Variants in CA10 observed in about 807,000 individuals in gnomAD.
CA10 encodes the protein carbonic anhydrase 10 (inactive), also known as carbonic anhydrase-related protein 10.
A neutral mutation model predicts 44.2 loss-of-function variants in CA10; 14 were observed. The observed-to-expected ratio is 0.32, with a 90% CI of 0.21 to 0.50. The LOEUF is 0.50. Among genes scored for constraint, CA10 ranks in the 20% least tolerant of loss-of-function variants. The pLI, the probability that CA10 is intolerant of heterozygous loss-of-function variation, is 0.99. For synonymous variants in CA10, 159 were observed against 141.6 expected (o/e 1.12, Z -0.87); for missense variants, 350 against 409.7 (o/e 0.85, Z 1.26).
At chr17:51,682,804 A>T (rs1914888334) in intron 4 of CA10, among the ~76,000 whole-genome samples, 1 of 67,118 alleles carries the variant, frequency 1.5e-5, no homozygotes, top group Non-Finnish European at 3.7e-5. Context: ...TGGGGCAAAG[A>T]AGGGAAACCT....
At chr17:51,985,641 T>C (rs188592074) in intron 2 of CA10, among the ~76,000 whole-genome samples, 1 of 151,842 alleles carries the variant, frequency 6.6e-6, no homozygotes, top group Non-Finnish European at 1.5e-5. Flanking sequence ...CTCTTAGAAC[T>C]GACAAATTCA....
rs535429326 is a variant in CA10, at chr17:51,866,224, C to G, written c.279+64766G>C. Among the ~76,000 whole-genome samples, 4 of 152,276 alleles carry G rather than the reference C, an allele frequency of 2.6e-5. No homozygotes were observed. In the East Asian group the frequency reaches 5.8e-4, roughly 22 times the overall value. ...CTCCCATGTCTGAGCCAACAATGCC[C>G]CAGGAAGGTACTAGGTTAGGAAATA... On this transcript the variant is annotated intron_variant, in intron 3 of 8. Coordinates refer to ENST00000451037, the MANE Select transcript of CA10 (RefSeq NM_020178.5).
intron 2 of CA10, among the ~76,000 whole-genome samples, chr17:52,034,271 T>G (rs1024601234): frequency 1.3e-5 from 2 of 152,144 alleles, no homozygotes; most frequent in East Asian, 3.9e-4. Context: ...TGGCATAGAT[T>G]GTGGTGATGG....
intron 3 of CA10, among the ~76,000 whole-genome samples, chr17:51,758,857 T>C (rs1352068118): frequency 6.6e-6 from 1 of 152,180 alleles, no homozygotes; most frequent in Non-Finnish European, 1.5e-5. Context: ...GAGCTTCCCA[T>C]TTTCCAGTAA....
At chr17:51,927,016 G>T (rs1022678557) in intron 3 of CA10, among the ~76,000 whole-genome samples, 20 of 151,992 alleles carry the variant, frequency 1.3e-4, no homozygotes, top group Non-Finnish European at 4.4e-5. Flanking sequence ...AGAAACTTTA[G>T]AAAAGAAAAA....
intron 3 of CA10, among the ~76,000 whole-genome samples, chr17:51,898,288 G>A (rs1459998226): frequency 6.6e-6 from 1 of 152,000 alleles, no homozygotes; most frequent in Admixed American, 6.6e-5. Context: ...TTTATTGAAA[G>A]CCTTTTCTGA....
rs559562602 is a variant in CA10 at position 52,091,429 on chromosome 17, T to C, written c.62-19036A>G. 1.0e-3 allele frequency among the ~76,000 whole-genome samples: 155 copies of C among 152,260 alleles called. No homozygotes were observed. The Middle Eastern group carries it at 0.017, about 17-fold the overall frequency. ...TAATGAGTTTTCCCAACATTAAGATTTAATTTTCAGTGGTATAGATGGGAG... is the reference window on the plus strand; with the variant it reads ...TAATGAGTTTTCCCAACATTAAGATCTAATTTTCAGTGGTATAGATGGGAG... On this transcript the variant is annotated intron_variant, in intron 1 of 8. Coordinates refer to ENST00000451037, the MANE Select transcript of CA10 (RefSeq NM_020178.5).
chr17:51,728,480 T>A (rs1916603243), intron 4 of CA10, among the ~76,000 whole-genome samples: 1 of 152,218 alleles, frequency 6.6e-6, no homozygotes, highest in African/African-American at 2.4e-5. Flanking sequence ...CAGTCTTTCC[T>A]TGCTTTTCAC....
chr17:51,893,109 A>G (rs190706892), intron 3 of CA10, among the ~76,000 whole-genome samples: 1 of 152,318 alleles, frequency 6.6e-6, no homozygotes. Flanking sequence ...GTTGCATAAT[A>G]TCAAGTTACA....
chr17:51,653,824 T>C, intron 4 of CA10, 88 bp from the exon 5 acceptor site: 1 of 757,850 alleles, frequency 1.3e-6, no homozygotes. Flanking sequence ...AAGGGTGAAC[T>C]GCAAAGTATA....
At chr17:52,060,962 A>G (rs1987367760) in intron 2 of CA10, among the ~76,000 whole-genome samples, 1 of 152,194 alleles carries the variant, frequency 6.6e-6, no homozygotes. Flanking sequence ...TGAATGAAGT[A>G]ACATGAGTAA....
intron 7 of CA10, among the ~76,000 whole-genome samples, chr17:51,634,501 G>C (rs1912736420): frequency 6.6e-6 from 1 of 152,146 alleles, no homozygotes; most frequent in Non-Finnish European, 1.5e-5. Flanking sequence ...CACAGTCGTA[G>C]AATGTCAGAG....
chr17:51,645,587 G>T (rs1913297550), intron 6 of CA10, among the ~76,000 whole-genome samples: 1 of 152,192 alleles, frequency 6.6e-6, no homozygotes, highest in African/African-American at 2.4e-5. Flanking sequence ...ATAGCAAAAA[G>T]ATGCTTCTTC....
At chr17:52,155,526 T>C (rs1020816504) in intron 1 of CA10, among the ~76,000 whole-genome samples, 2 of 152,194 alleles carry the variant, frequency 1.3e-5, no homozygotes, top group South Asian at 4.1e-4. Context: ...ATATTACTAA[T>C]AATAATTCTC....
At chr17:51,908,118 C>T (rs1981639595) in intron 3 of CA10, among the ~76,000 whole-genome samples, 1 of 152,162 alleles carries the variant, frequency 6.6e-6, no homozygotes, top group African/African-American at 2.4e-5. Context: ...CAAACACTAC[C>T]ATCCAGGCAA....
chr17:51,802,582 A>AAC (rs1906976231), intron 3 of CA10, among the ~76,000 whole-genome samples: 1 of 151,580 alleles, frequency 6.6e-6, no homozygotes, highest in African/African-American at 2.4e-5. Flanking sequence ...AAAAAAAAAA[A>AAC]AAAAAACAAC....
intron 1 of CA10, among the ~76,000 whole-genome samples, chr17:52,113,430 G>C (rs118109876): frequency 0.014 from 2,149 of 152,234 alleles, 27 homozygotes; most frequent in Non-Finnish European, 0.02. Context: ...ATACCCATAT[G>C]CATAAGGCAT....
intron 2 of CA10, among the ~76,000 whole-genome samples, chr17:52,034,961 A>G (rs1986574074): frequency 6.6e-6 from 1 of 152,140 alleles, no homozygotes; most frequent in Admixed American, 6.5e-5. Flanking sequence ...AATCAGAGAT[A>G]TCACACTGGG....
chr17:52,098,971 G>C (rs376380818), intron 1 of CA10, among the ~76,000 whole-genome samples: 1 of 152,090 alleles, frequency 6.6e-6, no homozygotes, highest in Non-Finnish European at 1.5e-5. Flanking sequence ...TATTCTGCTG[G>C]GGTCAGATGT....
Sources: gnomAD v4.1 joint callset for allele counts (sites outside exome capture counted in the v4.1 genomes callset) on GRCh38, gnomAD v4.1.1 for gene constraint, MANE v1.5 for transcripts, NCBI Gene and HGNC (gene_info 2026-07-23, HGNC 2026-07-21) for gene names.